Variants in OSBPL8 observed in about 807,000 individuals in gnomAD.
The protein encoded by OSBPL8 is oxysterol binding protein like 8.
A neutral mutation model predicts 125.5 loss-of-function variants in OSBPL8; 59 were observed. The ratio of observed to expected loss-of-function variants is 0.47; its 90% CI spans 0.38 to 0.58. The LOEUF (loss-of-function observed/expected upper bound fraction) is 0.58, where lower values mean the gene tolerates loss of function less well. Among genes scored for constraint, OSBPL8 ranks in the 20% least tolerant of loss-of-function variants. OSBPL8 has a pLI of 0.00. For synonymous variants in OSBPL8, 330 were observed against 338.9 expected, an observed-to-expected ratio of 0.97 and a Z score of 0.29; for missense variants, 758 against 1,047.8, an observed-to-expected ratio of 0.72 and a Z score of 3.82.
intron 1 of OSBPL8, among the ~76,000 whole-genome samples, chr12:76,546,428 G>C (rs958099842): frequency 4.0e-5 from 6 of 151,892 alleles, no homozygotes; most frequent in Admixed American, 3.3e-4. Context: ...AATAATAAGA[G>C]CCATCATTTC....
At chr12:76,549,188 A>C (rs1321975956) in intron 1 of OSBPL8, among the ~76,000 whole-genome samples, 1 of 152,156 alleles carries the variant, frequency 6.6e-6, no homozygotes, top group Non-Finnish European at 1.5e-5. Context: ...AAACATGATG[A>C]AGGGAGGAAA....
chr12:76,359,009 G>A (rs1952097110), intron 21 of OSBPL8, among the ~76,000 whole-genome samples, 198 bp from the exon 22 acceptor site: 1 of 152,068 alleles, frequency 6.6e-6, no homozygotes, highest in Non-Finnish European at 1.5e-5. Flanking sequence ...AAGTACTTTG[G>A]CACAAATGTC....
chr12:76,494,320 T>C (rs1291554599), intron 1 of OSBPL8, among the ~76,000 whole-genome samples: 2 of 152,188 alleles, frequency 1.3e-5, no homozygotes, highest in African/African-American at 4.8e-5. Flanking sequence ...TATGGCTACA[T>C]TCTAGGGCAC....
At chr12:76,398,672 A>G (rs7310485) in intron 7 of OSBPL8, among the ~76,000 whole-genome samples, 1,785 of 152,334 alleles carry the variant, frequency 0.012, 42 homozygotes, top group African/African-American at 0.041. Flanking sequence ...CTTTTACTGT[A>G]AAACATCTGT....
At chr12:76,394,346 T>C (rs1204504598) in intron 9 of OSBPL8, among the ~76,000 whole-genome samples, 1 of 152,032 alleles carries the variant, frequency 6.6e-6, no homozygotes, top group African/African-American at 2.4e-5. Flanking sequence ...GTATTAAATA[T>C]ATCTTTAAGA....
At chr12:76,473,114 T>C (rs777405109) in intron 2 of OSBPL8, among the ~76,000 whole-genome samples, 44 of 152,154 alleles carry the variant, frequency 2.9e-4, no homozygotes, top group Non-Finnish European at 5.7e-4. Context: ...ACTCTTGTCT[T>C]CTGGTCACTT....
chr12:76,386,533 A>G (rs1953320301), intron 13 of OSBPL8, 46 bp downstream of exon 13: 2 of 1,492,426 alleles, frequency 1.3e-6, no homozygotes, highest in Non-Finnish European at 1.8e-6. Flanking sequence ...AATATAAAGA[A>G]TTCATAAAAC....
At chr12:76,430,902 AAAC>A (rs1464803055) in intron 4 of OSBPL8, among the ~76,000 whole-genome samples, 2 of 152,212 alleles carry the variant, frequency 1.3e-5, no homozygotes, top group African/African-American at 2.4e-5. Context: ...AGAAGATGCT[AAAC>A]AACAACATAA....
chr12:76,471,823 G>A (rs1876171661), intron 2 of OSBPL8, among the ~76,000 whole-genome samples: 1 of 152,150 alleles, frequency 6.6e-6, no homozygotes, highest in Non-Finnish European at 1.5e-5. Context: ...CCATGTTGTT[G>A]AACAATTTAC....
chr12:76,505,070 A>G (rs1160740280), intron 1 of OSBPL8, among the ~76,000 whole-genome samples: 1 of 152,170 alleles, frequency 6.6e-6, no homozygotes, highest in Non-Finnish European at 1.5e-5. Context: ...CCTAGCCTCC[A>G]ATAGAGGAGG....
chr12:76,450,239 A>T (rs1592703878), intron 4 of OSBPL8, among the ~76,000 whole-genome samples: 1 of 152,284 alleles, frequency 6.6e-6, no homozygotes, highest in East Asian at 1.9e-4. Context: ...ATACTGCTAA[A>T]CATCATATAA....
At position 76,460,700 on chromosome 12, in the gene OSBPL8, T is replaced by C. The variant is rs150362305; in HGVS notation, c.43-805A>G. 2.9e-3 allele frequency among the ~76,000 whole-genome samples: 443 copies of C among 152,272 alleles called. 2 individuals carry two copies. Among genetic ancestry groups the C allele is most frequent in the African/African-American group, 0.01 (426 of 41,548 alleles). The stretch of plus-strand genomic sequence containing the variant: ...CTGCTGACCTTTTGTTTAGTAACTA[T>C]TTTAACATAAATTACTCTAAATGTT... On this transcript the variant is annotated intron_variant, in intron 2 of 23. Transcript: ENST00000261183.
At chr12:76,393,963 T>C (rs961540308) in intron 9 of OSBPL8, among the ~76,000 whole-genome samples, 1 of 152,128 alleles carries the variant, frequency 6.6e-6, no homozygotes, top group African/African-American at 2.4e-5. Flanking sequence ...GAGGTTGCAG[T>C]GAGCCGAGAT....
At chr12:76,402,057 T>A (rs1300669411) in intron 6 of OSBPL8, among the ~76,000 whole-genome samples, 1 of 152,186 alleles carries the variant, frequency 6.6e-6, no homozygotes, top group Non-Finnish European at 1.5e-5. Flanking sequence ...CTCAAAACTT[T>A]AGATTTTGGT....
In OSBPL8 at chr12:76,439,689, A is replaced by C. The variant is rs190732626; in HGVS notation, c.217+11162T>G. On this transcript the variant is annotated intron_variant, in intron 4 of 23. Transcript: ENST00000261183. The stretch of plus-strand genomic sequence containing the variant: ...ATTAGGTTACTTTAAAGATTATAAA[A>C]ATCACTAGTATTTTCTAATTATGGA... Among the ~76,000 whole-genome samples the C allele has an allele frequency of 7.9e-5, 12 of 152,334 alleles. No individual in the cohort carries two copies. In the East Asian group the frequency reaches 1.7e-3, roughly 22 times the overall value.
At chr12:76,545,072 G>A (rs1202760720) in intron 1 of OSBPL8, among the ~76,000 whole-genome samples, 7 of 152,098 alleles carry the variant, frequency 4.6e-5, no homozygotes, top group African/African-American at 1.4e-4. Flanking sequence ...CTTCTTGCAG[G>A]TTTATTTTCC....
At chr12:76,538,873 G>A (rs55937660) in intron 1 of OSBPL8, among the ~76,000 whole-genome samples, 55 of 151,798 alleles carry the variant, frequency 3.6e-4, no homozygotes, top group Middle Eastern at 3.4e-3. Context: ...AACCTGGGAG[G>A]CAGAGGCTGC....
intron 16 of OSBPL8, among the ~76,000 whole-genome samples, chr12:76,376,273 T>TTG (rs886184103): frequency 1.3e-5 from 2 of 152,220 alleles, no homozygotes; most frequent in Non-Finnish European, 2.9e-5. Context: ...GCTAAACAGG[T>TTG]TGTGTGTGTA....
intron 21 of OSBPL8, among the ~76,000 whole-genome samples, chr12:76,364,791 A>T (rs2136164455): frequency 6.6e-6 from 1 of 152,280 alleles, no homozygotes; most frequent in South Asian, 2.1e-4. Flanking sequence ...AAGTTTTGAA[A>T]TCGAAAAGTG....
Sources: gnomAD v4.1 joint callset for allele counts (sites outside exome capture counted in the v4.1 genomes callset) on GRCh38, gnomAD v4.1.1 for gene constraint, MANE v1.5 for transcripts, NCBI Gene and HGNC (gene_info 2026-07-23, HGNC 2026-07-21) for gene names.